Variants in BMPER observed in about 807,000 individuals in gnomAD.
BMPER encodes BMP binding endothelial regulator, also known as BMP-binding endothelial regulator protein.
In BMPER, 45 loss-of-function variants were observed where a neutral mutation model predicts 87.3. The observed-to-expected ratio is 0.52, with a 90% confidence interval of 0.41 to 0.66. BMPER has a LOEUF of 0.66. Among genes scored for constraint, BMPER ranks in the 30% least tolerant of loss-of-function variants. The pLI is 0.00. For missense variants in BMPER, 784 were observed against 867.5 expected (o/e 0.90, Z 1.21); for synonymous variants, 326 against 316.2 (o/e 1.03, Z -0.33).
chr7:34,146,381 A>G (rs1791020094), intron 14 of BMPER, among the ~76,000 whole-genome samples: 1 of 152,158 alleles, frequency 6.6e-6, no homozygotes, highest in Admixed American at 6.5e-5. Context: ...CACTGTCATG[A>G]CTATAGACAC....
intron 6 of BMPER, among the ~76,000 whole-genome samples, chr7:33,992,039 A>G (rs1293314584): frequency 6.6e-6 from 1 of 151,660 alleles, no homozygotes; most frequent in African/African-American, 2.4e-5. Context: ...ACTTCCCAGT[A>G]TGTGGTCAAT....
intron 5 of BMPER, among the ~76,000 whole-genome samples, chr7:33,973,766 C>G (rs533738250): frequency 6.6e-5 from 10 of 152,352 alleles, no homozygotes; most frequent in African/African-American, 2.4e-4. Context: ...AAAGTGACCT[C>G]AGCTGTCCTG....
At chr7:34,037,423 C>T (rs1327453727) in intron 6 of BMPER, among the ~76,000 whole-genome samples, 1 of 152,142 alleles carries the variant, frequency 6.6e-6, no homozygotes. Context: ...GCTGAGGCCT[C>T]ACAGTGCCTG....
At chr7:33,946,339 A>C (rs572078260) in intron 3 of BMPER, among the ~76,000 whole-genome samples, 2 of 152,352 alleles carry the variant, frequency 1.3e-5, no homozygotes, top group East Asian at 3.9e-4. Flanking sequence ...AACACAGCCA[A>C]ACAGTATCAG....
At chr7:34,061,171 G>A (rs556498406) in intron 10 of BMPER, among the ~76,000 whole-genome samples, 11 of 152,136 alleles carry the variant, frequency 7.2e-5, no homozygotes, top group South Asian at 6.2e-4. Context: ...GTAAAATATC[G>A]AATAAGATAT....
intron 6 of BMPER, among the ~76,000 whole-genome samples, chr7:34,006,355 A>G (rs1786734119): frequency 6.6e-6 from 1 of 152,050 alleles, no homozygotes; most frequent in Non-Finnish European, 1.5e-5. Context: ...CTTAAGGACT[A>G]GGTTTTACTG....
chr7:34,043,104 T>A (rs1400974641), intron 6 of BMPER: 1 of 152,176 alleles, frequency 6.6e-6, no homozygotes, highest in Admixed American at 6.5e-5. Flanking sequence ...TTGGGGGCCA[T>A]AAACTCTCTC....
chr7:34,020,396 A>G (rs1405166544), intron 6 of BMPER, among the ~76,000 whole-genome samples: 1 of 151,982 alleles, frequency 6.6e-6, no homozygotes. Context: ...GGAGATCTTC[A>G]ACCTGTTTCA....
chr7:34,140,036 T>C (rs891282594), intron 13 of BMPER, among the ~76,000 whole-genome samples: 12 of 152,198 alleles, frequency 7.9e-5, no homozygotes, highest in African/African-American at 2.9e-4. Flanking sequence ...CGAATGTAGT[T>C]ACTGTGAATA....
intron 2 of BMPER, among the ~76,000 whole-genome samples, chr7:33,909,988 C>T (rs1783919164): frequency 6.6e-6 from 1 of 152,130 alleles, no homozygotes; most frequent in Admixed American, 6.5e-5. Flanking sequence ...GAGCATCTTG[C>T]CAGAACCAGT....
At chr7:34,134,765 A>G (rs770428384) in intron 13 of BMPER, among the ~76,000 whole-genome samples, 2 of 152,206 alleles carry the variant, frequency 1.3e-5, no homozygotes, top group African/African-American at 2.4e-5. Flanking sequence ...GGTCTGATAT[A>G]TGGCCTTATC....
chr7:33,994,021 C>A (rs1177727543), intron 6 of BMPER, among the ~76,000 whole-genome samples: 6 of 152,324 alleles, frequency 3.9e-5, no homozygotes, highest in South Asian at 4.1e-4. Flanking sequence ...TGCTCTCTTC[C>A]AAGCTGTCAG....
At chr7:34,059,293 C>T (rs561401406) in intron 10 of BMPER, among the ~76,000 whole-genome samples, 18 of 152,178 alleles carry the variant, frequency 1.2e-4, no homozygotes, top group African/African-American at 4.3e-4. Context: ...CCTGGTGGCT[C>T]AAGTAACTAG....
At chr7:34,006,044 G>A (rs532840903) in intron 6 of BMPER, among the ~76,000 whole-genome samples, 13 of 151,796 alleles carry the variant, frequency 8.6e-5, no homozygotes, top group Non-Finnish European at 1.9e-4. Context: ...TTGTAAAGGG[G>A]TATTCCCCTG....
intron 13 of BMPER, among the ~76,000 whole-genome samples, chr7:34,142,667 G>A (rs1184986274): frequency 2.0e-5 from 3 of 152,188 alleles, no homozygotes; most frequent in Admixed American, 1.3e-4. Context: ...AAAAGACTAA[G>A]ATTCTAAGAT....
intron 6 of BMPER, among the ~76,000 whole-genome samples, chr7:34,012,826 T>C (rs1786918031): frequency 6.6e-6 from 1 of 151,948 alleles, no homozygotes; most frequent in Admixed American, 6.6e-5. Context: ...ATAAATCTAA[T>C]TGGGTTAAAT....
chr7:34,075,667 G>T (rs528030787), intron 11 of BMPER, among the ~76,000 whole-genome samples: 1 of 152,146 alleles, frequency 6.6e-6, no homozygotes, highest in Non-Finnish European at 1.5e-5. Context: ...TGCCTATCAC[G>T]CCAGGCTTTC....
chr7:33,960,445 C>T (rs1785240264), intron 3 of BMPER, among the ~76,000 whole-genome samples: 1 of 152,128 alleles, frequency 6.6e-6, no homozygotes, highest in African/African-American at 2.4e-5. Context: ...GGCTTATTGA[C>T]CAAGTCCAGG....
At chr7:34,007,328 T>G (rs1786760959) in intron 6 of BMPER, among the ~76,000 whole-genome samples, 1 of 152,100 alleles carries the variant, frequency 6.6e-6, no homozygotes, top group South Asian at 2.1e-4. Context: ...AATTTTAATT[T>G]TATTTTTTAA....
Sources: gnomAD v4.1 joint callset for allele counts (sites outside exome capture counted in the v4.1 genomes callset) on GRCh38, gnomAD v4.1.1 for gene constraint, MANE v1.5 for transcripts, NCBI Gene and HGNC (gene_info 2026-07-23, HGNC 2026-07-21) for gene names.